The following TMC5 variants were observed in gnomAD, a reference collection of about 807,000 sequenced individuals.
TMC5 encodes the protein transmembrane channel-like protein 5.
A neutral mutation model predicts 110.5 loss-of-function variants in TMC5; 86 were observed. The observed-to-expected ratio is 0.78, with a 90% confidence interval of 0.65 to 0.93. The LOEUF (loss-of-function observed/expected upper bound fraction) is 0.93. TMC5 is among the 40% of genes least tolerant of loss of function. The pLI, the probability that TMC5 is intolerant of heterozygous loss-of-function variation, is 0.00. For missense variants in TMC5, 1,144 were observed against 1,222.8 expected, an observed-to-expected ratio of 0.94 and a Z score of 0.96; for synonymous variants, 455 against 439.5, an observed-to-expected ratio of 1.04 and a Z score of -0.44.
At chr16:19,434,270 A>G (rs1967275210) in intron 2 of TMC5, among the ~76,000 whole-genome samples, 2 of 109,198 alleles carry the variant, frequency 1.8e-5, no homozygotes, top group South Asian at 5.4e-4. Context: ...TCTATAATAT[A>G]TATAGATCTA....
chr16:19,495,008 A>ATTTTTTTTTTTTTTTTTTT (rs1226858039), intron 20 of TMC5, among the ~76,000 whole-genome samples: 1 of 37,140 alleles, frequency 2.7e-5, no homozygotes, highest in African/African-American at 1.2e-4. Context: ...TTCAGTGTCT[A>ATTTTTTTTTTTTTTTTTTT]TTCTTTTTTT....
rs55696911 is a variant in TMC5 at position 19,419,402 on chromosome 16, GTTTTTTTTTTTT to G, written c.-308+1327_-308+1338del. Among the ~76,000 whole-genome samples the G allele has an allele frequency of 1.4e-4, 9 of 65,652 alleles. No homozygotes were observed. The South Asian group carries it at 2.9e-3, about 21-fold the overall frequency. 43.1% of individuals were successfully genotyped at this position (65,652 alleles called of 152,430 possible). On this transcript the variant is annotated intron_variant, in intron 1 of 21. Coordinates refer to ENST00000542583, the MANE Select transcript of TMC5 (RefSeq NM_001261841.2). The stretch of plus-strand genomic sequence containing the variant: ...AAGCTCAGTGGAAATGAATGTGTTG[GTTTTTTTTTTTT>G]TTTTTTTTTTTTTTTTGAGACAGTG...
intron 2 of TMC5, among the ~76,000 whole-genome samples, chr16:19,432,778 G>A (rs1300049239): frequency 6.6e-6 from 1 of 152,200 alleles, no homozygotes; most frequent in African/African-American, 2.4e-5. Context: ...CAACAGACTT[G>A]AAGCTAATTG....
intron 5 of TMC5, among the ~76,000 whole-genome samples, chr16:19,459,372 G>C (rs1450707240): frequency 6.6e-6 from 1 of 152,188 alleles, no homozygotes. Flanking sequence ...GAGTTAGCAG[G>C]AGAAAAGGAG....
chr16:19,453,448 G>T (rs1262426622), intron 5 of TMC5, among the ~76,000 whole-genome samples: 1 of 152,062 alleles, frequency 6.6e-6, no homozygotes, highest in African/African-American at 2.4e-5. Flanking sequence ...AGTTAGCTGG[G>T]CATGGTGGTA....
intron 5 of TMC5, chr16:19,457,052 G>C (rs1384803888): frequency 1.3e-6 from 2 of 1,540,366 alleles, no homozygotes; most frequent in East Asian, 4.5e-5. Context: ...TAGGGGAGTA[G>C]GAAAAAAGGC....
intron 4 of TMC5, among the ~76,000 whole-genome samples, chr16:19,445,136 CA>C (rs552912747): frequency 6.6e-6 from 1 of 150,874 alleles, no homozygotes; most frequent in African/African-American, 2.4e-5. Flanking sequence ...TAAAAACAAA[CA>C]AAAAAAAGAC....
At chr16:19,469,630 C>T (rs1968274875) in intron 9 of TMC5, 51 bp from the exon 10 acceptor site, 6 of 1,608,598 alleles carry the variant, frequency 3.7e-6, no homozygotes, top group Non-Finnish European at 5.1e-6. Flanking sequence ...CCCTGCACTC[C>T]CAGTGACGGC....
At chr16:19,477,821 G>T (rs890536335) in intron 13 of TMC5, among the ~76,000 whole-genome samples, 13 of 152,156 alleles carry the variant, frequency 8.5e-5, no homozygotes, top group African/African-American at 3.1e-4. Flanking sequence ...ATCATGTGTA[G>T]TATAAGTTCA....
At chr16:19,463,671 A>G (rs1442298813) in intron 7 of TMC5, 105 bp from the exon 8 acceptor site, 1 of 1,389,538 alleles carries the variant, frequency 7.2e-7, no homozygotes, top group Non-Finnish European at 9.9e-7. Context: ...GCCTGCACTT[A>G]ACAATACTCC....
At chr16:19,429,197 A>G (rs576385902) in intron 1 of TMC5, among the ~76,000 whole-genome samples, 22 of 152,260 alleles carry the variant, frequency 1.4e-4, no homozygotes, top group African/African-American at 5.1e-4. Context: ...TTCTAAGCAT[A>G]GGCCTCATTT....
intron 1 of TMC5, among the ~76,000 whole-genome samples, chr16:19,427,114 C>G (rs577106063): frequency 6.6e-6 from 1 of 152,016 alleles, no homozygotes; most frequent in Non-Finnish European, 1.5e-5. Flanking sequence ...TCATGGGCAC[C>G]CAAGCTTGAT....
intron 17 of TMC5, chr16:19,487,867 C>T (rs1968791315): frequency 6.6e-6 from 1 of 152,318 alleles, no homozygotes; most frequent in African/African-American, 2.4e-5. Flanking sequence ...AGGGACCACA[C>T]AGGGAAGCAT....
chr16:19,438,564 T>C (rs1967409585), intron 2 of TMC5, among the ~76,000 whole-genome samples: 1 of 151,198 alleles, frequency 6.6e-6, no homozygotes, highest in Admixed American at 6.6e-5. Flanking sequence ...CTGGCCAACA[T>C]AGTGAAACCC....
intron 13 of TMC5, 94 bp from the exon 14 acceptor site, chr16:19,479,337 C>A: frequency 3.2e-6 from 3 of 934,700 alleles, no homozygotes; most frequent in Non-Finnish European, 5.3e-6. Context: ...CAACCATTAG[C>A]TATGTCCTGA....
rs111308220 is a variant in TMC5 at position 19,482,293 on chromosome 16, G to A, written c.2363+828G>A. ...GGCTGGTCTTGAACTCCTGACCTCA[G>A]GTGATCCGCCCACCTTGGTGGATCC... On this transcript the variant is annotated intron_variant, in intron 15 of 21. Coordinates refer to ENST00000542583, the MANE Select transcript of TMC5 (RefSeq NM_001261841.2). Among the ~76,000 whole-genome samples, 1,417 of 152,150 alleles carry A rather than the reference G, an allele frequency of 9.3e-3. 21 individuals are homozygous for A. The highest frequency in any genetic ancestry group is 0.032 in the African/African-American group (1,347 of 41,510).
In TMC5 at chr16:19,463,861, A is replaced by G; in HGVS notation, c.1322A>G (p.Lys441Arg). 6.2e-7 allele frequency: 1 copy of G among 1,614,232 alleles called. No homozygotes were observed. The change falls in exon 8 of 22, where the codon AAG (lysine) becomes AGG (arginine). Residue 441 changes from lysine (K) to arginine (R), a missense_variant. Transcript: ENST00000542583. ...AAGACGCTGAAGATCATTGGAGGCA[A>G]GTTTGGAACCAGCGTCCTCTCCTAT... is the stretch of plus-strand genomic sequence containing the variant. Reference protein sequence around the residue: ...WQKTLKIIGGKFGTSVLSYFN... With the variant: ...WQKTLKIIGGRFGTSVLSYFN...
At chr16:19,486,814 C>T (rs923689069) in intron 15 of TMC5, 131 bp from the exon 16 acceptor site, 13 of 739,642 alleles carry the variant, frequency 1.8e-5, no homozygotes, top group Non-Finnish European at 2.9e-5. Context: ...GTTAAGGCCT[C>T]AATATATGGA....
At chr16:19,458,107 G>A (rs1236332017) in intron 5 of TMC5, among the ~76,000 whole-genome samples, 1 of 152,104 alleles carries the variant, frequency 6.6e-6, no homozygotes, top group Non-Finnish European at 1.5e-5. Flanking sequence ...CAGATAGGAT[G>A]TCTCTTGTTG....
Sources: gnomAD v4.1 joint callset for allele counts (sites outside exome capture counted in the v4.1 genomes callset) on GRCh38, gnomAD v4.1.1 for gene constraint, MANE v1.5 for transcripts, NCBI Gene and HGNC (gene_info 2026-07-23, HGNC 2026-07-21) for gene names.